Variants in WASF1 observed in about 807,000 individuals in gnomAD.
WASF1 encodes the protein WASP family member 1.
A neutral mutation model predicts 50.5 loss-of-function variants in WASF1; 7 were observed. The observed-to-expected ratio is 0.14, with a 90% confidence interval of 0.08 to 0.26. The LOEUF (loss-of-function observed/expected upper bound fraction) is 0.26, where lower values mean the gene tolerates loss of function less well. Ranked by LOEUF, WASF1 falls within the 10% of genes least tolerant of loss-of-function variation. The pLI, the probability that WASF1 is intolerant of heterozygous loss-of-function variation, is 1.00. For synonymous variants in WASF1, 205 were observed against 244.0 expected (o/e 0.84, Z 1.49); for missense variants, 470 against 694.7 (o/e 0.68, Z 3.64).
rs377106202 is a variant in WASF1 at position 110,103,380 on chromosome 6, G to C, written c.891C>G (p.Ile297Met). The change falls in exon 9 of 11, where the codon ATC (isoleucine) becomes ATG (methionine). Residue 297 changes from isoleucine (I) to methionine (M), a missense_variant and splice_region_variant. By Grantham distance (10) the Ile-to-Met change is conservative. Coordinates refer to ENST00000392589, the MANE Select transcript of WASF1 (RefSeq NM_003931.3). The stretch of plus-strand genomic sequence containing the variant: ...ATCATATGCTTGTTCCAACATACCT[G>C]ATACAGGTGGGTATCGGTTTTGCAT... ...AGDAKPIPTCISSATGLIENR... is the reference protein window; with the variant it reads ...AGDAKPIPTCMSSATGLIENR... 1.2e-6 allele frequency: 2 copies of C among 1,611,514 alleles called. No individual in the cohort carries two copies. The highest frequency in any genetic ancestry group is 1.3e-5 in the African/African-American group (1 of 74,832).
Position 110,122,649 on chromosome 6 carries a change from T to C in WASF1, c.133+4820A>G, listed in dbSNP as rs112997340. Among the ~76,000 whole-genome samples the C allele has an allele frequency of 5.2e-3, 790 of 152,314 alleles. 6 individuals carry two copies. The highest frequency in any genetic ancestry group is 9.6e-3 in the Non-Finnish European group (653 of 68,022). ...TGATCCACTTCCAATTAATGAACAG[T>C]AAGTATATTTTTTCTTATGGTTTTC... On this transcript the variant is annotated intron_variant, in intron 4 of 10. Coordinates refer to ENST00000392589, the MANE Select transcript of WASF1 (RefSeq NM_003931.3).
intron 3 of WASF1, among the ~76,000 whole-genome samples, chr6:110,148,097 C>T (rs1273517976): frequency 1.3e-5 from 2 of 152,102 alleles, no homozygotes; most frequent in Non-Finnish European, 2.9e-5. Flanking sequence ...AAGTTTGAGG[C>T]ATCTAAACCA....
In WASF1 at chr6:110,103,281, G is replaced by C. The variant is rs955602229; in HGVS notation, c.893+97C>G. The C allele has an allele frequency of 5.9e-6, 8 of 1,361,702 alleles. No individual in the cohort carries two copies. The African/African-American group carries it at 8.7e-5, about 15-fold the overall frequency. The allele number at this position is 1,361,702 out of a possible 1,614,324, so 84.4% of individuals were successfully genotyped here. A position where few individuals can be genotyped will look rare whatever the true frequency, so the allele number is the denominator to read the frequency against. On this transcript the variant is annotated intron_variant, in intron 9 of 10. Transcript: ENST00000392589. Reference sequence around the variant, plus strand: ...GAATTGAGTACTTGTGACAAAAACTGTAAGGCCCGAAAGCCAAAAATACTT... The same window carrying C: ...GAATTGAGTACTTGTGACAAAAACTCTAAGGCCCGAAAGCCAAAAATACTT...
chr6:110,158,701 C>T (rs1222948084), intron 3 of WASF1, among the ~76,000 whole-genome samples: 1 of 151,848 alleles, frequency 6.6e-6, no homozygotes, highest in African/African-American at 2.4e-5. Context: ...TCAATGTTAA[C>T]TCCATAAGCA....
chr6:110,137,145 C>G (rs1437441700), intron 3 of WASF1, among the ~76,000 whole-genome samples: 2 of 152,198 alleles, frequency 1.3e-5, no homozygotes, highest in African/African-American at 4.8e-5. Context: ...ATATCTCTCT[C>G]CTAAAGCTGC....
chr6:110,138,207 G>A (rs540131031), intron 3 of WASF1, among the ~76,000 whole-genome samples: 23 of 152,334 alleles, frequency 1.5e-4, no homozygotes, highest in Non-Finnish European at 3.2e-4. Flanking sequence ...GAGAGGCTGC[G>A]GCTGGACTAG....
intron 2 of WASF1, among the ~76,000 whole-genome samples, chr6:110,164,467 C>T (rs976075512): frequency 6.6e-6 from 1 of 151,678 alleles, no homozygotes; most frequent in Admixed American, 6.6e-5. Context: ...AGATGCTCAA[C>T]ATCATGCATC....
chr6:110,101,922 G>T lies in WASF1; in HGVS notation c.1188C>A (p.Pro396=), dbSNP rs1773109479. Residue 396 remains proline, a synonymous_variant, in exon 10 of 11, where the codon CCC becomes CCA. Coordinates refer to ENST00000392589, the MANE Select transcript of WASF1 (RefSeq NM_003931.3). The part of the protein sequence containing the change: ...PPPIAPPLVQ[P]SPPVARAAPV... ...GGGCAGCTCTAGCTACTGGTGGAGA[G>T]GGCTGTACTAGAGGAGGTGCAATTG... 4 of 1,611,432 alleles carry T rather than the reference G, an allele frequency of 2.5e-6. No individual in the cohort carries two copies. Among genetic ancestry groups the T allele is most frequent in the Admixed American group, 1.7e-5 (1 of 59,886 alleles).
At chr6:110,122,537 T>A (rs6911667) in intron 4 of WASF1, among the ~76,000 whole-genome samples, 2,840 of 152,312 alleles carry the variant, frequency 0.019, 85 homozygotes, top group African/African-American at 0.065. Flanking sequence ...CCTCTGCTAC[T>A]CCTGAGACAG....
chr6:110,130,225 T>C (rs544107719), intron 3 of WASF1, among the ~76,000 whole-genome samples: 2 of 152,204 alleles, frequency 1.3e-5, no homozygotes, highest in African/African-American at 4.8e-5. Context: ...AAAAAAAGCA[T>C]ACAAAATTGT....
chr6:110,131,621 C>T (rs1774674535), intron 3 of WASF1, among the ~76,000 whole-genome samples: 1 of 152,168 alleles, frequency 6.6e-6, no homozygotes, highest in Non-Finnish European at 1.5e-5. Flanking sequence ...GATTCTCCTG[C>T]CTCAGCCTCC....
intron 1 of WASF1, among the ~76,000 whole-genome samples, chr6:110,179,158 C>T (rs529299603): frequency 6.6e-6 from 1 of 152,308 alleles, no homozygotes; most frequent in Non-Finnish European, 1.5e-5. Flanking sequence ...GTGACACCCA[C>T]AGTCTCTCCA....
intron 2 of WASF1, among the ~76,000 whole-genome samples, chr6:110,169,725 G>C (rs552162547): frequency 6.6e-6 from 1 of 152,228 alleles, no homozygotes; most frequent in South Asian, 2.1e-4. Flanking sequence ...AGTGACTATT[G>C]TAAAAAAATT....
rs1262800384 is a variant in WASF1, at chr6:110,128,354, T to C, written c.-28-725A>G. Among the ~76,000 whole-genome samples, 7 of 152,290 alleles carry C rather than the reference T, an allele frequency of 4.6e-5. No individual in the cohort carries two copies. In the East Asian group the frequency reaches 9.6e-4, roughly 21 times the overall value. ...GGGATTTTGTTCTAGAGAGTTAGTG[T>C]GAGATGTCCTCTCTAAGGAAGTGCA... On this transcript the variant is annotated intron_variant, in intron 3 of 10. Transcript: ENST00000392589.
intron 3 of WASF1, among the ~76,000 whole-genome samples, chr6:110,154,916 T>C (rs1448045802): frequency 1.3e-5 from 2 of 152,070 alleles, no homozygotes; most frequent in East Asian, 3.9e-4. Context: ...GTCAGGCACA[T>C]GTAAAAACTT....
chr6:110,122,947 C>T (rs947885089), intron 4 of WASF1, among the ~76,000 whole-genome samples: 3 of 151,760 alleles, frequency 2.0e-5, no homozygotes, highest in African/African-American at 7.2e-5. Flanking sequence ...CCAGCCATGA[C>T]AAAGTGGGGA....
At chr6:110,123,427 A>G (rs988016103) in intron 4 of WASF1, among the ~76,000 whole-genome samples, 2 of 152,236 alleles carry the variant, frequency 1.3e-5, no homozygotes, top group African/African-American at 4.8e-5. Context: ...AACTTGAAGA[A>G]GATCCCTGCC....
At chr6:110,139,021 TC>T (rs1396670712) in intron 3 of WASF1, among the ~76,000 whole-genome samples, 1 of 152,218 alleles carries the variant, frequency 6.6e-6, no homozygotes, top group African/African-American at 2.4e-5. Context: ...GAGCCGAGCT[TC>T]CCTCAGCCTC....
chr6:110,134,531 T>C lies in WASF1; in HGVS notation c.-28-6902A>G, dbSNP rs377679510. ...CCTCTGCCTCCTGGGTTCAAGTGATTCTCCTGCCTCAGCCTCCTGAGTAGC... is the reference window on the plus strand; with the variant it reads ...CCTCTGCCTCCTGGGTTCAAGTGATCCTCCTGCCTCAGCCTCCTGAGTAGC... On this transcript the variant is annotated intron_variant, in intron 3 of 10. Coordinates refer to ENST00000392589, the MANE Select transcript of WASF1 (RefSeq NM_003931.3). Among the ~76,000 whole-genome samples, 16 of 151,936 alleles carry C rather than the reference T, an allele frequency of 1.1e-4. No homozygotes were observed. In the East Asian group the frequency reaches 2.3e-3, roughly 22 times the overall value.
Sources: gnomAD v4.1 joint callset for allele counts (sites outside exome capture counted in the v4.1 genomes callset) on GRCh38, gnomAD v4.1.1 for gene constraint, MANE v1.5 for transcripts, NCBI Gene and HGNC (gene_info 2026-07-23, HGNC 2026-07-21) for gene names.